Variants in ASTN1 observed in about 807,000 individuals in gnomAD.
The protein encoded by ASTN1 is astrotactin-1.
A neutral mutation model predicts 140.7 loss-of-function variants in ASTN1; 41 were observed. The ratio of observed to expected loss-of-function variants is 0.29; its 90% CI spans 0.23 to 0.38. The LOEUF is 0.38. ASTN1 is among the 10% of genes least tolerant of loss of function. The pLI is 1.00. For synonymous variants in ASTN1, 640 were observed against 652.2 expected (o/e 0.98, Z 0.29); for missense variants, 1,479 against 1,678.8 (o/e 0.88, Z 2.08).
chr1:177,076,952 G>A (rs1198383066), intron 1 of ASTN1, among the ~76,000 whole-genome samples: 1 of 152,132 alleles, frequency 6.6e-6, no homozygotes, highest in Non-Finnish European at 1.5e-5. Flanking sequence ...GACTGGCTCT[G>A]CTGCAGATTG....
At chr1:176,939,859 AAGGG>A (rs199720141) in intron 14 of ASTN1, among the ~76,000 whole-genome samples, 4,191 of 133,480 alleles carry the variant, frequency 0.031, 196 homozygotes, top group African/African-American at 0.1. Flanking sequence ...AGAAGGAAGG[AAGGG>A]AGGGAGGGAG....
At chr1:176,981,283 C>T (rs1379730815) in intron 8 of ASTN1, 2 of 144,412 alleles carry the variant, frequency 1.4e-5, no homozygotes, top group East Asian at 2.3e-4. Flanking sequence ...TATGGTAACT[C>T]TCCTTCAGGA....
intron 16 of ASTN1, among the ~76,000 whole-genome samples, chr1:176,928,972 T>C (rs542712277): frequency 1.6e-4 from 24 of 151,876 alleles, no homozygotes; most frequent in African/African-American, 5.8e-4. Context: ...TAAGACAGAG[T>C]AGTGGTGGAG....
intron 11 of ASTN1, among the ~76,000 whole-genome samples, chr1:176,956,385 T>C (rs1212083653): frequency 6.6e-6 from 1 of 152,106 alleles, no homozygotes; most frequent in Non-Finnish European, 1.5e-5. Context: ...CAGGCACATA[T>C]CCGTCTTTGA....
chr1:176,866,944 G>C (rs960974903), intron 22 of ASTN1, among the ~76,000 whole-genome samples: 6 of 152,176 alleles, frequency 3.9e-5, no homozygotes, highest in Non-Finnish European at 8.8e-5. Context: ...TTCTCTCTGA[G>C]ATCCATGACA....
chr1:176,904,545 C>G (rs953131215), intron 16 of ASTN1, among the ~76,000 whole-genome samples: 1 of 152,078 alleles, frequency 6.6e-6, no homozygotes, highest in African/African-American at 2.4e-5. Context: ...ATTTCCAAAT[C>G]TCCATTAGCA....
At chr1:176,946,930 T>C (rs187770487) in intron 12 of ASTN1, among the ~76,000 whole-genome samples, 63 of 152,382 alleles carry the variant, frequency 4.1e-4, no homozygotes, top group Non-Finnish European at 4.1e-4. Flanking sequence ...CATAAGGCTG[T>C]CATTAAAAAA....
intron 16 of ASTN1, among the ~76,000 whole-genome samples, chr1:176,902,447 G>A (rs935074149): frequency 1.1e-4 from 5 of 46,986 alleles, no homozygotes; most frequent in Admixed American, 6.5e-4. Flanking sequence ...GGTATTTTCT[G>A]AAGATTTTCC....
At chr1:176,991,044 T>C (rs2101896658) in intron 8 of ASTN1, among the ~76,000 whole-genome samples, 1 of 152,342 alleles carries the variant, frequency 6.6e-6, no homozygotes, top group African/African-American at 2.4e-5. Context: ...TTAGCCTCGC[T>C]GCTCTTCCCC....
At chr1:177,023,379 C>A (rs757019666) in intron 7 of ASTN1, 25 bp downstream of exon 7, 1 of 1,559,450 alleles carries the variant, frequency 6.4e-7, no homozygotes, top group East Asian at 2.4e-5. Context: ...CTGACAGTTA[C>A]CCGCTGCCCG....
chr1:176,978,046 T>A (rs1034507965), intron 8 of ASTN1, among the ~76,000 whole-genome samples: 4 of 152,274 alleles, frequency 2.6e-5, no homozygotes, highest in African/African-American at 9.6e-5. Context: ...CTATTTTAGA[T>A]AAGCTTTAAG....
intron 8 of ASTN1, among the ~76,000 whole-genome samples, chr1:176,978,918 G>C (rs1049912929): frequency 6.6e-6 from 1 of 152,126 alleles, no homozygotes; most frequent in African/African-American, 2.4e-5. Context: ...TAAGAGAAAT[G>C]AGGAAATATT....
Position 176,868,920 on chromosome 1 carries a change from C to G in ASTN1, c.3571G>C (p.Val1191Leu), listed in dbSNP as rs766746696. Reference sequence around the variant, plus strand: ...TAGTGCTGGTTATAGTGGTAGAGGACCCGGTGTAAGGTGGGGGAACCCAGA... The same window carrying G: ...TAGTGCTGGTTATAGTGGTAGAGGAGCCGGTGTAAGGTGGGGGAACCCAGA... ...LDLGSPTLHR[V>L]LYHYNQHYES... The change falls in exon 22 of 23, where the codon GTC becomes CTC. Residue 1191 changes from valine (V) to leucine (L), a missense_variant. Coordinates refer to ENST00000361833, the MANE Select transcript of ASTN1 (RefSeq NM_004319.3). The G allele has an allele frequency of 6.2e-7, 1 of 1,612,220 alleles. No homozygotes were observed. Among genetic ancestry groups the G allele is most frequent in the South Asian group, 1.1e-5 (1 of 90,816 alleles).
At chr1:176,965,450 G>T (rs1385499731) in intron 8 of ASTN1, among the ~76,000 whole-genome samples, 1 of 152,060 alleles carries the variant, frequency 6.6e-6, no homozygotes, top group Non-Finnish European at 1.5e-5. Flanking sequence ...TGAACTACTA[G>T]GAAAATGGAA....
chr1:177,138,927 T>A (rs1285754101), intron 1 of ASTN1, among the ~76,000 whole-genome samples: 2 of 152,198 alleles, frequency 1.3e-5, no homozygotes, highest in Non-Finnish European at 2.9e-5. Context: ...AAAACTTGGC[T>A]GTGGTCATTT....
chr1:177,050,167 C>T (rs1278469174), intron 2 of ASTN1, among the ~76,000 whole-genome samples: 2 of 152,174 alleles, frequency 1.3e-5, no homozygotes, highest in African/African-American at 4.8e-5. Flanking sequence ...GAATCCTTCC[C>T]ACTTCTTCCT....
At chr1:177,004,734 C>A (rs1467366880) in intron 8 of ASTN1, among the ~76,000 whole-genome samples, 2 of 152,058 alleles carry the variant, frequency 1.3e-5, no homozygotes, top group African/African-American at 4.8e-5. Context: ...GGAAAGGACA[C>A]CCTATTCAAT....
chr1:177,053,533 C>T (rs1391270481), intron 2 of ASTN1, among the ~76,000 whole-genome samples: 3 of 152,104 alleles, frequency 2.0e-5, no homozygotes, highest in Non-Finnish European at 4.4e-5. Flanking sequence ...AGAACTTTGT[C>T]TTATTCATTT....
intron 1 of ASTN1, among the ~76,000 whole-genome samples, chr1:177,120,753 G>T (rs1410261921): frequency 1.3e-5 from 2 of 152,122 alleles, no homozygotes; most frequent in African/African-American, 2.4e-5. Flanking sequence ...CCTCTGAGCT[G>T]CTGGGATTCT....
Sources: gnomAD v4.1 joint callset for allele counts (sites outside exome capture counted in the v4.1 genomes callset) on GRCh38, gnomAD v4.1.1 for gene constraint, MANE v1.5 for transcripts, NCBI Gene and HGNC (gene_info 2026-07-23, HGNC 2026-07-21) for gene names.